Variants in LRCH3 observed in about 807,000 individuals in gnomAD.
LRCH3 encodes leucine rich repeats and calponin homology domain containing 3.
In LRCH3, 68 loss-of-function variants were observed where a neutral mutation model predicts 104.5. That is an observed-to-expected ratio of 0.65 (90% CI 0.54 to 0.80). The LOEUF is 0.80. LRCH3 is among the 30% of genes least tolerant of loss of function. LRCH3 has a pLI of 0.00. For synonymous variants in LRCH3, 344 were observed against 361.3 expected (o/e 0.95, Z 0.54); for missense variants, 951 against 953.9 (o/e 1.00, Z 0.04).
At chr3:197,802,478 T>G (rs1290423530) in intron 1 of LRCH3, among the ~76,000 whole-genome samples, 1 of 152,238 alleles carries the variant, frequency 6.6e-6, no homozygotes, top group Non-Finnish European at 1.5e-5. Flanking sequence ...GGCTTGTAAT[T>G]TTATTTTTTG....
intron 7 of LRCH3, 198 bp downstream of exon 7, chr3:197,831,061 G>A (rs188276704): frequency 2.8e-4 from 134 of 478,478 alleles, no homozygotes; most frequent in Non-Finnish European, 4.4e-4. Flanking sequence ...GTGGATTTCC[G>A]CCTGTTTCCT....
chr3:197,846,287 C>T (rs1262426901), intron 10 of LRCH3, among the ~76,000 whole-genome samples: 1 of 151,400 alleles, frequency 6.6e-6, no homozygotes, highest in Admixed American at 6.6e-5. Flanking sequence ...CACCTGTAGG[C>T]CAGCTGTTCG....
At chr3:197,882,928 C>CA (rs1425769799) in intron 20 of LRCH3, 3 of 985,292 alleles carry the variant, frequency 3.0e-6, no homozygotes, top group Middle Eastern at 5.2e-4. Context: ...ATTTTTAATT[C>CA]AGACAGGCCC....
At chr3:197,796,869 G>C (rs1731262719) in intron 1 of LRCH3, among the ~76,000 whole-genome samples, 2 of 152,096 alleles carry the variant, frequency 1.3e-5, no homozygotes, top group Admixed American at 1.3e-4. Context: ...ATCTTTGAAG[G>C]GTTGGTAGCA....
In LRCH3 at chr3:197,829,588, A is replaced by G. The variant is rs368213946; in HGVS notation, c.802A>G (p.Ile268Val). The change falls in exon 6 of 21, where the codon ATA becomes GTA. Residue 268 changes from isoleucine (I) to valine (V), a missense_variant. Ile to Val is a conservative substitution (Grantham distance 29, BLOSUM62 3). Transcript: ENST00000425562. The stretch of plus-strand genomic sequence containing the variant: ...GATATGTATAAAAGGCAAAGTCCAC[A>G]TATTTAAATACCTGAACATACAAGC... ...AQICIKGKVH[I>V]FKYLNIQACK... 6.2e-7 allele frequency: 1 copy of G among 1,611,470 alleles called. No individual in the cohort carries two copies. Among genetic ancestry groups the G allele is most frequent in the African/African-American group, 1.3e-5 (1 of 74,944 alleles).
intron 3 of LRCH3, among the ~76,000 whole-genome samples, chr3:197,818,314 A>C (rs970653149): frequency 6.6e-6 from 1 of 152,228 alleles, no homozygotes; most frequent in Non-Finnish European, 1.5e-5. Flanking sequence ...TAACTTGCCT[A>C]AGGTTATATA....
chr3:197,867,559 A>G (rs556756226), intron 17 of LRCH3, among the ~76,000 whole-genome samples: 1 of 152,086 alleles, frequency 6.6e-6, no homozygotes, highest in South Asian at 2.1e-4. Flanking sequence ...CTCTTAAAAA[A>G]ATACAAAAAA....
intron 2 of LRCH3, 42 bp from the exon 3 acceptor site, chr3:197,817,134 T>C: frequency 6.4e-7 from 1 of 1,552,178 alleles, no homozygotes; most frequent in Non-Finnish European, 8.7e-7. Flanking sequence ...TTTTCTTCAG[T>C]GGTGGACTCT....
rs776053161 is a variant in LRCH3 at position 197,866,164 on chromosome 3, TCAGCGCCCTGAAA to T, written c.1819_1831del (p.Gln607AlafsTer34). 3 of 1,614,050 alleles carry T rather than the reference TCAGCGCCCTGAAA, an allele frequency of 1.9e-6. No individual in the cohort carries two copies. The highest frequency in any genetic ancestry group is 2.5e-6 in the Non-Finnish European group (3 of 1,180,014). ...CTGCTGCTATCCAGAGAAATCAGCC[TCAGCGCCCTGAAA>T]GCTTCCTTTTCCGAGCAGGTGTCAG... On this transcript the variant is annotated frameshift_variant, in exon 17 of 21. Transcript: ENST00000425562. LOFTEE classifies it high-confidence loss of function.
intron 10 of LRCH3, among the ~76,000 whole-genome samples, chr3:197,846,888 TA>T (rs1288182373): frequency 1.3e-5 from 2 of 152,136 alleles, no homozygotes; most frequent in East Asian, 3.8e-4. Flanking sequence ...TTTGTTTTTT[TA>T]AGCATTAAAA....
chr3:197,883,363 A>G lies in LRCH3; in HGVS notation c.2209-178A>G. 2 of 1,391,672 alleles carry G rather than the reference A, an allele frequency of 1.4e-6. No homozygotes were observed. The highest frequency in any genetic ancestry group is 1.9e-6 in the Non-Finnish European group (2 of 1,074,658). 86.2% of individuals were successfully genotyped at this position (1,391,672 alleles called of 1,614,324 possible). A position where few individuals can be genotyped will look rare whatever the true frequency, so the allele number is the denominator to read the frequency against. ...TAGTTGTATTAATAAAGTGACAGTG[A>G]GTGTCAGACACCATCTCTCTAACTC... On this transcript the variant is annotated intron_variant, in intron 20 of 20. Transcript: ENST00000425562. The surrounding 1 kb of genome is among the most constrained non-coding windows in gnomAD (Gnocchi z 4.2).
rs1435237239 is a variant in LRCH3, at chr3:197,791,497, C to T, written c.219C>T (p.Pro73=). Residue 73 remains proline, a synonymous_variant, in exon 1 of 21, where the codon CCC becomes CCT. Transcript: ENST00000425562. The part of the protein sequence containing the change: ...SLSGRKLREF[P]RGAANHDLTD... ...GCGGCCGGAAACTGAGGGAGTTTCC[C>T]CGGGGAGCGGCCAACCACGACCTGA... 1.9e-6 allele frequency: 3 copies of T among 1,599,828 alleles called. No individual in the cohort carries two copies. Among genetic ancestry groups the T allele is most frequent in the Non-Finnish European group, 2.6e-6 (3 of 1,174,928 alleles).
chr3:197,853,407 C>T (rs1023298748), intron 13 of LRCH3, among the ~76,000 whole-genome samples: 10 of 152,106 alleles, frequency 6.6e-5, no homozygotes, highest in African/African-American at 2.4e-4. Flanking sequence ...TCAGGCTGGT[C>T]TCGAACTCCT....
At chr3:197,818,096 C>T (rs145346925) in intron 3 of LRCH3, among the ~76,000 whole-genome samples, 1,669 of 152,302 alleles carry the variant, frequency 0.011, 26 homozygotes, top group African/African-American at 0.038. Context: ...GCTGGGATTA[C>T]AGGCGTGAGC....
At chr3:197,844,624 T>C (rs56256465) in intron 10 of LRCH3, among the ~76,000 whole-genome samples, 2 of 84,442 alleles carry the variant, frequency 2.4e-5, no homozygotes, top group Non-Finnish European at 5.7e-5. Context: ...AGGTTTTTTG[T>C]TTTTTTTTTT....
At chr3:197,838,154 T>TC (rs1737156950) in intron 9 of LRCH3, among the ~76,000 whole-genome samples, 1 of 151,532 alleles carries the variant, frequency 6.6e-6, no homozygotes, top group Non-Finnish European at 1.5e-5. Flanking sequence ...GCCTGGTGGC[T>TC]CCTTCCTGTA....
intron 20 of LRCH3, among the ~76,000 whole-genome samples, chr3:197,877,503 T>C (rs1713023328): frequency 7.7e-6 from 1 of 130,650 alleles, no homozygotes; most frequent in Non-Finnish European, 1.6e-5. Flanking sequence ...GTGATTCTCT[T>C]TACCCAACTC....
intron 1 of LRCH3, among the ~76,000 whole-genome samples, chr3:197,794,108 A>G (rs1015224137): frequency 1.3e-5 from 2 of 152,040 alleles, no homozygotes; most frequent in African/African-American, 4.8e-5. Flanking sequence ...TATCACTGGT[A>G]GGATTTTGGC....
Position 197,826,935 on chromosome 3 carries a change from T to C in LRCH3, c.698T>C (p.Ile233Thr), listed in dbSNP as rs1014340391. The change falls in exon 5 of 21, where the codon ATC (isoleucine) becomes ACC (threonine). Residue 233 changes from isoleucine (I) to threonine (T), a missense_variant. Physicochemically the swap from Ile to Thr is moderately conservative, Grantham distance 89. Transcript: ENST00000425562. Reference protein sequence around the residue: ...LDFSCNKITTIPVCYRNLRHL... With the variant: ...LDFSCNKITTTPVCYRNLRHL... ...TTCTCATGCAATAAAATTACCACAA[T>C]CCCTGTTTGTTATCGGAACCTCAGG... 3 of 1,614,010 alleles carry C rather than the reference T, an allele frequency of 1.9e-6. No individual in the cohort carries two copies. The highest frequency in any genetic ancestry group is 2.5e-6 in the Non-Finnish European group (3 of 1,179,996).
Sources: allele counts gnomAD v4.1 joint callset (sites outside exome capture counted in the v4.1 genomes callset), GRCh38; gene constraint gnomAD v4.1.1; non-coding constraint Gnocchi (gnomAD v3.1); transcripts MANE v1.5; gene names NCBI Gene and HGNC (gene_info 2026-07-23, HGNC 2026-07-21).